Variants in LBHD2 observed in about 807,000 individuals in gnomAD.
LBHD2 encodes LBH domain-containing protein 2.
chr14:103,086,719 A>T (rs929816936), intron 2 of LBHD2, among the ~76,000 whole-genome samples: 18 of 151,970 alleles, frequency 1.2e-4, no homozygotes, highest in African/African-American at 3.9e-4. Flanking sequence ...CTAAAAAAAA[A>T]AAAACAAGCT....
chr14:103,084,807 C>T (rs953439306), intron 1 of LBHD2, among the ~76,000 whole-genome samples: 11 of 152,222 alleles, frequency 7.2e-5, no homozygotes, highest in Non-Finnish European at 1.5e-4. Flanking sequence ...CTCCCTCTGC[C>T]TCCTTCCCAA....
chr14:103,089,306 T>C (rs1036687800), intron 3 of LBHD2, among the ~76,000 whole-genome samples: 13 of 152,162 alleles, frequency 8.5e-5, no homozygotes, highest in Non-Finnish European at 1.3e-4. Context: ...CCCTTTTCAT[T>C]GTGGCCAGAG....
intron 2 of LBHD2, among the ~76,000 whole-genome samples, chr14:103,087,498 G>T (rs1889650361): frequency 6.6e-6 from 1 of 152,242 alleles, no homozygotes; most frequent in South Asian, 2.1e-4. Flanking sequence ...ACGTAGCACT[G>T]CAGCCTCAAA....
At position 103,087,353 on chromosome 14, in the gene LBHD2, C is replaced by T. The variant is rs57445648; in HGVS notation, c.70-732C>T. 4.7e-3 allele frequency among the ~76,000 whole-genome samples: 715 copies of T among 152,310 alleles called. 4 individuals carry two copies. Among genetic ancestry groups the T allele is most frequent in the African/African-American group, 0.016 (679 of 41,570 alleles). On this transcript the variant is annotated intron_variant, in intron 2 of 3. Coordinates refer to ENST00000634353, the MANE Select transcript of LBHD2 (RefSeq NM_001330236.2). ...CTTGTGCTCTTTTGGGAAGGTGGAC[C>T]CAGCAGCTTCCCTTCTAGGTGGAGA...
At chr14:103,084,876 G>A (rs1889613792) in intron 1 of LBHD2, among the ~76,000 whole-genome samples, 2 of 152,174 alleles carry the variant, frequency 1.3e-5, no homozygotes, top group Admixed American at 1.3e-4. Flanking sequence ...TGGGGTCCTG[G>A]GATGGGATCC....
chr14:103,088,485 G>A (rs565352496), intron 3 of LBHD2, among the ~76,000 whole-genome samples: 2 of 152,350 alleles, frequency 1.3e-5, no homozygotes, highest in South Asian at 2.1e-4. Context: ...ACTCTCAGCC[G>A]CAGGCCTGGG....
At chr14:103,085,814 G>T (rs1220676767) in intron 1 of LBHD2, among the ~76,000 whole-genome samples, 162 bp from the exon 2 acceptor site, 1 of 152,236 alleles carries the variant, frequency 6.6e-6, no homozygotes, top group Non-Finnish European at 1.5e-5. Context: ...TGCCCCCTCT[G>T]GCGGCGGGCT....
chr14:103,089,588 T>A, intron 3 of LBHD2, 109 bp from the exon 4 acceptor site: 1 of 397,958 alleles, frequency 2.5e-6, no homozygotes, highest in Non-Finnish European at 4.4e-6. Flanking sequence ...GGGGACCTCC[T>A]GGCCTGCCCC....
At chr14:103,086,109 G>A (rs1322784708) in intron 2 of LBHD2, 28 bp downstream of exon 2, 3 of 398,534 alleles carry the variant, frequency 7.5e-6, no homozygotes, top group East Asian at 3.6e-5. Context: ...TGGGGGGGTC[G>A]GGAGGGAGCA....
chr14:103,087,094 C>T (rs894394220), intron 2 of LBHD2, among the ~76,000 whole-genome samples: 2 of 152,250 alleles, frequency 1.3e-5, no homozygotes, highest in African/African-American at 4.8e-5. Context: ...GAGGATCCAG[C>T]CTTTGGGGTA....
Position 103,084,310 on chromosome 14 carries a change from C to T in LBHD2, c.-75C>T, listed in dbSNP as rs942019637. 1 of 152,340 alleles carries T rather than the reference C, an allele frequency of 6.6e-6. No homozygotes were observed. The allele number at this position is 152,340 out of a possible 1,614,324, so 9.4% of individuals were successfully genotyped here. A position where few individuals can be genotyped will look rare whatever the true frequency, so the allele number is the denominator to read the frequency against. On this transcript the variant is annotated 5_prime_UTR_variant, in exon 1 of 4. Coordinates refer to ENST00000634353, the MANE Select transcript of LBHD2 (RefSeq NM_001330236.2). ...CAGGGTCGCCCCTCCCCAGCCTGGC[C>T]CCGGCAGTGCGGGCCCCGGGAGCGC...
rs116439223 is a variant in LBHD2, at chr14:103,086,700, C to T, written c.69+619C>T. Among the ~76,000 whole-genome samples the T allele has an allele frequency of 2.6e-3, 387 of 149,900 alleles. 2 individuals are homozygous for T. The highest frequency in any genetic ancestry group is 9.3e-3 in the African/African-American group (374 of 40,298). Reference sequence around the variant, plus strand: ...CCTTTTGGCAGGGGATGGGGAGGTGCTGATGAAACTAAAAAAAAAAAAACA... The same window carrying T: ...CCTTTTGGCAGGGGATGGGGAGGTGTTGATGAAACTAAAAAAAAAAAAACA... On this transcript the variant is annotated intron_variant, in intron 2 of 3. Coordinates refer to ENST00000634353, the MANE Select transcript of LBHD2 (RefSeq NM_001330236.2).
intron 2 of LBHD2, among the ~76,000 whole-genome samples, chr14:103,087,334 C>A (rs552628659): frequency 6.6e-6 from 1 of 152,342 alleles, no homozygotes; most frequent in East Asian, 1.9e-4. Context: ...GGCCCTTGTG[C>A]TCTTTTGGGA....
Position 103,089,854 on chromosome 14 carries a change from G to A in LBHD2, c.*57G>A. 1 of 398,374 alleles carries A rather than the reference G, an allele frequency of 2.5e-6. No homozygotes were observed. Among genetic ancestry groups the A allele is most frequent in the Non-Finnish European group, 4.4e-6 (1 of 225,986 alleles). 24.7% of individuals were successfully genotyped at this position (398,374 alleles called of 1,614,324 possible). On this transcript the variant is annotated 3_prime_UTR_variant, in exon 4 of 4. Coordinates refer to ENST00000634353, the MANE Select transcript of LBHD2 (RefSeq NM_001330236.2). ...CTGCTGAGGGCCTCTGCCCCAGGGTGGCCGGGCTGATGCACAGGAGGGCCG... is the reference window on the plus strand; with the variant it reads ...CTGCTGAGGGCCTCTGCCCCAGGGTAGCCGGGCTGATGCACAGGAGGGCCG...
intron 3 of LBHD2, among the ~76,000 whole-genome samples, chr14:103,089,045 C>T (rs886595687): frequency 2.0e-5 from 3 of 152,138 alleles, no homozygotes; most frequent in Admixed American, 6.5e-5. Context: ...AGGGGGCAGC[C>T]GGCGCCAGGC....
chr14:103,087,019 G>A (rs1440052041), intron 2 of LBHD2, among the ~76,000 whole-genome samples: 1 of 152,260 alleles, frequency 6.6e-6, no homozygotes, highest in Non-Finnish European at 1.5e-5. Context: ...GGCACGTGGG[G>A]AGGGAGAGCA....
intron 1 of LBHD2, among the ~76,000 whole-genome samples, chr14:103,085,390 C>T (rs1172345837): frequency 6.6e-6 from 1 of 152,272 alleles, no homozygotes. Context: ...TCCCAGAGCC[C>T]TTGCTGCCAG....
At chr14:103,084,715 GTC>G (rs369355777) in intron 1 of LBHD2, among the ~76,000 whole-genome samples, 63 of 148,620 alleles carry the variant, frequency 4.2e-4, no homozygotes, top group Non-Finnish European at 4.8e-4. Context: ...GTCTGTTTCT[GTC>G]TCTCTCTCTC....
intron 2 of LBHD2, among the ~76,000 whole-genome samples, chr14:103,086,826 G>T (rs1889641708): frequency 6.6e-6 from 1 of 152,214 alleles, no homozygotes; most frequent in African/African-American, 2.4e-5. Context: ...TAGAGAGGGG[G>T]ACCAGCCTGG....
Sources: gnomAD v4.1 joint callset for allele counts (sites outside exome capture counted in the v4.1 genomes callset) on GRCh38, gnomAD v4.1.1 for gene constraint, MANE v1.5 for transcripts, NCBI Gene and HGNC (gene_info 2026-07-23, HGNC 2026-07-21) for gene names.